Variants in ANKS1B observed in about 807,000 individuals in gnomAD.
ANKS1B encodes the protein ankyrin repeat and sterile alpha motif domain containing 1B, also known as ankyrin repeat and sterile alpha motif domain-containing protein 1B.
In ANKS1B, 36 loss-of-function variants were observed where a neutral mutation model predicts 148.3. The ratio of observed to expected loss-of-function variants is 0.24; its 90% CI spans 0.19 to 0.32. The LOEUF is 0.32. Ranked by LOEUF, ANKS1B falls within the 10% of genes least tolerant of loss-of-function variation. The pLI is 1.00. For synonymous variants in ANKS1B, 542 were observed against 560.8 expected, an observed-to-expected ratio of 0.97 and a Z score of 0.47; for missense variants, 1,157 against 1,542.6, an observed-to-expected ratio of 0.75 and a Z score of 4.19.
In ANKS1B at chr12:99,928,848, G is replaced by T. The variant is rs564198065; in HGVS notation, c.134+55256C>A. ...CACTCTTACTAATTTTACCAACTAC[G>T]AAAGGGAATCAGATAATCCTAGAAT... On this transcript the variant is annotated intron_variant, in intron 1 of 26. Transcript: ENST00000683438. Among the ~76,000 whole-genome samples, 3 of 152,168 alleles carry T rather than the reference G, an allele frequency of 2.0e-5. No individual in the cohort carries two copies. The East Asian group carries it at 5.8e-4, about 29-fold the overall frequency.
At chr12:99,048,373 G>A (rs2099963798) in intron 17 of ANKS1B, among the ~76,000 whole-genome samples, 1 of 152,102 alleles carries the variant, frequency 6.6e-6, no homozygotes, top group Non-Finnish European at 1.5e-5. Context: ...GTTCAAAACT[G>A]TCTCTTCAGG....
intron 17 of ANKS1B, among the ~76,000 whole-genome samples, chr12:98,872,235 G>A (rs1351006041): frequency 6.6e-6 from 1 of 152,090 alleles, no homozygotes; most frequent in African/African-American, 2.4e-5. Flanking sequence ...TTGAAGACAG[G>A]GCTTTAAAAG....
intron 17 of ANKS1B, among the ~76,000 whole-genome samples, chr12:98,944,673 GA>G (rs1567930738): frequency 1.3e-5 from 2 of 151,926 alleles, no homozygotes; most frequent in African/African-American, 2.4e-5. Context: ...CACTGCCCCT[GA>G]AAAAAAGAAA....
chr12:99,374,265 A>T (rs1404847830), intron 12 of ANKS1B, among the ~76,000 whole-genome samples: 1 of 152,196 alleles, frequency 6.6e-6, no homozygotes, highest in Non-Finnish European at 1.5e-5. Context: ...TGGTGAGGAA[A>T]AAAAAATCTA....
At chr12:99,965,703 A>G (rs1280122370) in intron 1 of ANKS1B, among the ~76,000 whole-genome samples, 1 of 152,132 alleles carries the variant, frequency 6.6e-6, no homozygotes, top group Non-Finnish European at 1.5e-5. Context: ...GCAGGCAGAT[A>G]ACTTGAGGTC....
chr12:99,454,715 C>G (rs1449484277), intron 10 of ANKS1B, among the ~76,000 whole-genome samples: 1 of 152,190 alleles, frequency 6.6e-6, no homozygotes, highest in Admixed American at 6.5e-5. Context: ...TATAAATTCT[C>G]TACTCTGAAG....
rs10695483 is a variant in ANKS1B, at chr12:98,848,743, G to GTTTTTTTTTTT, written c.2779-16618_2779-16608dup. Among the ~76,000 whole-genome samples the GTTTTTTTTTTT allele has an allele frequency of 2.0e-3, 97 of 48,090 alleles. 34 individuals carry two copies. The highest frequency in any genetic ancestry group is 7.8e-3 in the South Asian group (8 of 1,024). The allele number at this position is 48,090 out of a possible 152,430, so 31.5% of individuals were successfully genotyped here. A position where few individuals can be genotyped will look rare whatever the true frequency, so the allele number is the denominator to read the frequency against. On this transcript the variant is annotated intron_variant, in intron 17 of 26. Coordinates refer to ENST00000683438, the MANE Select transcript of ANKS1B (RefSeq NM_001352186.2). ...CTGGATTAATTTCTGTGTATGTGTG[G>GTTTTTTTTTTT]TTTTTTTTTTTTTGAGACGGAGTCT...
rs76322271 is a variant in ANKS1B at position 99,258,988 on chromosome 12, C to T, written c.1757-12124G>A. ...AGGTCATTCTATCTCATTTAATCCT[C>T]ACAAAAGTCTCTGAAGTAGGTATTA... On this transcript the variant is annotated intron_variant, in intron 12 of 26. Transcript: ENST00000683438. 3.5e-3 allele frequency among the ~76,000 whole-genome samples: 537 copies of T among 152,280 alleles called. 20 individuals are homozygous for T. In the East Asian group the frequency reaches 0.067, roughly 19 times the overall value.
chr12:99,489,148 A>C lies in ANKS1B; in HGVS notation c.1438+15328T>G, dbSNP rs540782129. Among the ~76,000 whole-genome samples, 844 of 151,750 alleles carry C rather than the reference A, an allele frequency of 5.6e-3. 11 individuals carry two copies. Among genetic ancestry groups the C allele is most frequent in the African/African-American group, 0.019 (792 of 41,390 alleles). The stretch of plus-strand genomic sequence containing the variant: ...TCCCAGCTACTCAGGAGGCTGAGGC[A>C]GGAGAATCACTTGAACCCGGGAGGC... On this transcript the variant is annotated intron_variant, in intron 10 of 26. Transcript: ENST00000683438.
At chr12:99,218,895 G>T (rs184572541) in intron 14 of ANKS1B, among the ~76,000 whole-genome samples, 2 of 152,292 alleles carry the variant, frequency 1.3e-5, no homozygotes, top group Non-Finnish European at 2.9e-5. Flanking sequence ...GCATGTGAAA[G>T]ATTCTATGAG....
chr12:98,934,280 C>T (rs114226082), intron 17 of ANKS1B, among the ~76,000 whole-genome samples: 2,966 of 152,082 alleles, frequency 0.02, 92 homozygotes, highest in African/African-American at 0.062. Context: ...TTCTTGGCAC[C>T]GTTTGTGATG....
chr12:99,812,281 C>T lies in ANKS1B; in HGVS notation c.246G>A (p.Glu82=). Reference sequence around the variant, plus strand: ...TGTTGTCTGCTACATTTGTTGATGCCTCATACTGAAGTAGTTTGAGAACTA... The same window carrying T: ...TGTTGTCTGCTACATTTGTTGATGCTTCATACTGAAGTAGTTTGAGAACTA... The part of the protein sequence containing the change: ...KDIVLKLLQY[E]ASTNVADNKG... The change falls in exon 3 of 27, where the codon GAG becomes GAA. Residue 82 remains glutamate, a synonymous_variant. Transcript: ENST00000683438. 4 of 1,611,170 alleles carry T rather than the reference C, an allele frequency of 2.5e-6. No homozygotes were observed. In the Middle Eastern group the frequency reaches 5.0e-4, roughly 200 times the overall value.
intron 17 of ANKS1B, among the ~76,000 whole-genome samples, chr12:98,848,853 C>T (rs1488160422): frequency 6.8e-6 from 1 of 146,870 alleles, no homozygotes; most frequent in East Asian, 2.1e-4. Context: ...ATTCTCCTGC[C>T]TCAGCCTCCC....
At chr12:99,419,386 T>C (rs1336810002) in intron 11 of ANKS1B, among the ~76,000 whole-genome samples, 3 of 152,242 alleles carry the variant, frequency 2.0e-5, no homozygotes, top group African/African-American at 7.2e-5. Context: ...AATTTATGTA[T>C]GTAGAATAGT....
intron 17 of ANKS1B, among the ~76,000 whole-genome samples, chr12:98,960,409 G>A (rs546771526): frequency 1.6e-4 from 25 of 152,264 alleles, no homozygotes; most frequent in South Asian, 8.3e-4. Flanking sequence ...CTAAGAGACC[G>A]CAAGAGTCAC....
At chr12:99,120,142 C>T (rs1364254218) in intron 15 of ANKS1B, among the ~76,000 whole-genome samples, 4 of 152,224 alleles carry the variant, frequency 2.6e-5, no homozygotes, top group Admixed American at 2.0e-4. Flanking sequence ...TTCGCACTCA[C>T]TCAGACTGGG....
intron 25 of ANKS1B, among the ~76,000 whole-genome samples, chr12:98,755,115 C>G (rs756641531): frequency 1.3e-5 from 2 of 152,008 alleles, no homozygotes; most frequent in African/African-American, 2.4e-5. Context: ...ACACCAGGGC[C>G]CTTTCGGGGA....
At chr12:99,509,929 A>C (rs1331112383) in intron 9 of ANKS1B, among the ~76,000 whole-genome samples, 1 of 151,844 alleles carries the variant, frequency 6.6e-6, no homozygotes, top group Non-Finnish European at 1.5e-5. Context: ...CTCATTTACC[A>C]CTCCAAAAAT....
intron 9 of ANKS1B, among the ~76,000 whole-genome samples, chr12:99,595,442 A>G (rs1466588364): frequency 6.6e-6 from 1 of 151,946 alleles, no homozygotes; most frequent in Non-Finnish European, 1.5e-5. Flanking sequence ...TTCTTTTTCT[A>G]GTAAAAAATG....
Sources: allele counts gnomAD v4.1 joint callset (sites outside exome capture counted in the v4.1 genomes callset), GRCh38; gene constraint gnomAD v4.1.1; transcripts MANE v1.5; gene names NCBI Gene and HGNC (gene_info 2026-07-23, HGNC 2026-07-21).